NAV2: variants seen among roughly 807,000 people sequenced by gnomAD.
NAV2 encodes neuron navigator 2.
In NAV2, 54 loss-of-function variants were observed where a neutral mutation model predicts 223.2. The ratio of observed to expected loss-of-function variants is 0.24; its 90% CI spans 0.19 to 0.30. NAV2 has a LOEUF of 0.30. Among genes scored for constraint, NAV2 ranks in the 10% least tolerant of loss-of-function variants. NAV2 has a pLI of 1.00. For missense variants in NAV2, 2,806 were observed against 3,147.5 expected (o/e 0.89, Z 2.60); for synonymous variants, 1,279 against 1,239.3 (o/e 1.03, Z -0.67).
At chr11:19,869,025 G>A (rs1262978409) in intron 4 of NAV2, 28 bp downstream of exon 4, 2 of 1,606,962 alleles carry the variant, frequency 1.2e-6, no homozygotes, top group Non-Finnish European at 1.7e-6. Flanking sequence ...TCACGAAGCT[G>A]CCTCTTCATC....
intron 1 of NAV2, among the ~76,000 whole-genome samples, chr11:19,592,927 C>G (rs1459529695): frequency 6.6e-6 from 1 of 152,098 alleles, no homozygotes; most frequent in Admixed American, 6.6e-5. Flanking sequence ...ACTGAGAGGT[C>G]CCTTTCACCT....
At chr11:19,873,792 C>T (rs1263500388) in intron 4 of NAV2, among the ~76,000 whole-genome samples, 3 of 152,186 alleles carry the variant, frequency 2.0e-5, no homozygotes, top group African/African-American at 4.8e-5. Flanking sequence ...TGCTCCCATC[C>T]TCTCATCCCA....
At chr11:19,810,087 C>T (rs2058767715) in intron 1 of NAV2, among the ~76,000 whole-genome samples, 1 of 152,220 alleles carries the variant, frequency 6.6e-6, no homozygotes, top group Non-Finnish European at 1.5e-5. Flanking sequence ...ATTCTATTTA[C>T]ATGGAAGATT....
intron 6 of NAV2, among the ~76,000 whole-genome samples, chr11:19,897,165 T>C (rs1025693797): frequency 2.0e-5 from 3 of 151,796 alleles, no homozygotes; most frequent in Non-Finnish European, 2.9e-5. Context: ...TTCTCACTCA[T>C]AGGTGGGAAT....
chr11:19,584,119 A>G (rs968322370), intron 1 of NAV2, among the ~76,000 whole-genome samples: 4 of 152,078 alleles, frequency 2.6e-5, no homozygotes, highest in African/African-American at 9.7e-5. Context: ...GAGTGTATGT[A>G]TTGAGGAATT....
chr11:19,393,038 T>C (rs1385738985), intron 1 of NAV2, among the ~76,000 whole-genome samples: 1 of 152,188 alleles, frequency 6.6e-6, no homozygotes, highest in African/African-American at 2.4e-5. Flanking sequence ...GTTGGTGCGT[T>C]GTTCCCTGGT....
Position 20,044,976 on chromosome 11 carries a change from G to C in NAV2, c.3208G>C (p.Asp1070His). The C allele has an allele frequency of 6.2e-7, 1 of 1,604,836 alleles. No homozygotes were observed. Among genetic ancestry groups the C allele is most frequent in the Non-Finnish European group, 8.5e-7 (1 of 1,176,718 alleles). Residue 1070 changes from aspartate (D) to histidine (H), a missense_variant, in exon 14 of 38, where the codon GAC (aspartate) becomes CAC (histidine). Physicochemically the swap from Asp to His is moderately conservative, Grantham distance 81. This residue lies in a region of NAV2 where 742 missense variants were observed against 777.9 expected (regional missense o/e 0.95). Coordinates refer to ENST00000349880, the MANE Select transcript of NAV2 (RefSeq NM_145117.5). ...ALKTPGTGKT[D>H]DAKVSEKGRL... ...GCTGATCTCTCTCTTAGGAAAAACA[G>C]ACGACGCAAAGGTGTCTGAGAAAGG... is the stretch of plus-strand genomic sequence containing the variant.
At chr11:19,472,357 G>C (rs1263105925) in intron 1 of NAV2, among the ~76,000 whole-genome samples, 1 of 152,172 alleles carries the variant, frequency 6.6e-6, no homozygotes, top group Non-Finnish European at 1.5e-5. Flanking sequence ...TTCCTCATCT[G>C]TAAAGTGGGG....
intron 16 of NAV2, 61 bp from the exon 17 acceptor site, chr11:20,051,228 C>G: frequency 6.9e-7 from 1 of 1,451,132 alleles, no homozygotes; most frequent in Non-Finnish European, 9.7e-7. Flanking sequence ...CCTAGCTTTC[C>G]CTCTCTCTGC....
intron 1 of NAV2, among the ~76,000 whole-genome samples, chr11:19,761,298 A>G (rs545119640): frequency 1.1e-4 from 16 of 152,204 alleles, no homozygotes; most frequent in Admixed American, 9.2e-4. Context: ...TTTCTATTCT[A>G]TGGAATTTAC....
chr11:19,723,954 A>G (rs1469335056), intron 1 of NAV2, among the ~76,000 whole-genome samples: 2 of 152,224 alleles, frequency 1.3e-5, no homozygotes, highest in East Asian at 3.8e-4. Context: ...GCAAGCTTTG[A>G]TCGTTAGAAG....
At chr11:19,393,978 C>T (rs769395855) in intron 1 of NAV2, among the ~76,000 whole-genome samples, 1 of 142,550 alleles carries the variant, frequency 7.0e-6, no homozygotes, top group Non-Finnish European at 1.5e-5. Context: ...TCAGAAACTT[C>T]TCTTTCCATT....
intron 1 of NAV2, among the ~76,000 whole-genome samples, chr11:19,630,670 T>G (rs1460775472): frequency 2.0e-5 from 3 of 152,154 alleles, no homozygotes; most frequent in African/African-American, 7.2e-5. Flanking sequence ...ATGGATCACT[T>G]GAGCTCAGGA....
Position 20,049,179 on chromosome 11 carries a change from A to T in NAV2, c.4354A>T (p.Thr1452Ser), listed in dbSNP as rs1015600180. 4 of 1,597,248 alleles carry T rather than the reference A, an allele frequency of 2.5e-6. No individual in the cohort carries two copies. The highest frequency in any genetic ancestry group is 3.4e-6 in the Non-Finnish European group (4 of 1,170,106). Residue 1452 changes from threonine to serine, a missense_variant, in exon 15 of 38, where the codon ACC (threonine) becomes TCC (serine). Thr to Ser is a moderately conservative substitution (Grantham distance 58). This residue lies in a region of NAV2 where 742 missense variants were observed against 777.9 expected (regional missense o/e 0.95). Coordinates refer to ENST00000349880, the MANE Select transcript of NAV2 (RefSeq NM_145117.5). The stretch of plus-strand genomic sequence containing the variant: ...CTTTGTCAGAACTAACAGTGTGAAG[A>T]CCACACTGTCAGAAAGGTTGGTGCT... The part of the protein sequence containing the change: ...TPFVRTNSVK[T>S]TLSESPLSSP...
intron 1 of NAV2, among the ~76,000 whole-genome samples, chr11:19,573,803 C>T (rs1385612374): frequency 6.6e-6 from 1 of 152,180 alleles, no homozygotes; most frequent in African/African-American, 2.4e-5. Context: ...GGCTGCTTTG[C>T]AGGGCTAGAA....
At chr11:20,028,299 A>G (rs1030636693) in intron 11 of NAV2, among the ~76,000 whole-genome samples, 5 of 152,120 alleles carry the variant, frequency 3.3e-5, no homozygotes, top group Non-Finnish European at 7.4e-5. Flanking sequence ...CATCCCTTCT[A>G]AGACTGAAAC....
In NAV2 at chr11:20,083,193, T is replaced by C. The variant is rs771588668; in HGVS notation, c.5498+14T>C. The C allele has an allele frequency of 1.9e-6, 3 of 1,605,096 alleles. No individual in the cohort carries two copies. In the Admixed American group the frequency reaches 5.0e-5, roughly 27 times the overall value. ...CTCCAACTCTCTGTAAGTCTGTCTG[T>C]CTAGTCAGATAACATCTTTGGCCCC... On this transcript the variant is annotated intron_variant, in intron 26 of 37. Coordinates refer to ENST00000349880, the MANE Select transcript of NAV2 (RefSeq NM_145117.5).
intron 1 of NAV2, among the ~76,000 whole-genome samples, chr11:19,363,134 C>A (rs1475293063): frequency 6.6e-6 from 1 of 152,126 alleles, no homozygotes; most frequent in Non-Finnish European, 1.5e-5. Context: ...CTCCCCTAGC[C>A]CCCCACCCCA....
chr11:19,779,068 T>C (rs2056524397), intron 1 of NAV2, among the ~76,000 whole-genome samples: 1 of 152,186 alleles, frequency 6.6e-6, no homozygotes. Flanking sequence ...TCCACTCCGA[T>C]ATTGCTGCCC....
Sources: allele counts gnomAD v4.1 joint callset (sites outside exome capture counted in the v4.1 genomes callset), GRCh38; gene constraint gnomAD v4.1.1; regional missense constraint gnomAD v4.1.1; transcripts MANE v1.5; gene names NCBI Gene and HGNC (gene_info 2026-07-23, HGNC 2026-07-21).